Variants in C8orf34 observed in about 807,000 individuals in gnomAD.
C8orf34 encodes the protein chromosome 8 open reading frame 34.
A neutral mutation model predicts 68.3 loss-of-function variants in C8orf34; 65 were observed. That is an observed-to-expected ratio of 0.95 (90% CI 0.78 to 1.17). The LOEUF is 1.17. Among genes scored for constraint, C8orf34 ranks in the 50% most tolerant of loss-of-function variants. The pLI is 0.00. For missense variants in C8orf34, 664 were observed against 655.4 expected (o/e 1.01, Z -0.14); for synonymous variants, 244 against 241.2 (o/e 1.01, Z -0.11).
At chr8:68,404,280 T>C (rs901679039) in intron 1 of C8orf34, among the ~76,000 whole-genome samples, 3 of 152,206 alleles carry the variant, frequency 2.0e-5, no homozygotes, top group Non-Finnish European at 4.4e-5. Context: ...ATTAGCCCTT[T>C]GTCAGATGGA....
chr8:68,588,819 T>C (rs1370128736), intron 7 of C8orf34, among the ~76,000 whole-genome samples: 1 of 152,160 alleles, frequency 6.6e-6, no homozygotes, highest in Non-Finnish European at 1.5e-5. Flanking sequence ...TAGTCCTCTC[T>C]AACAATGGGC....
chr8:68,373,506 T>A (rs1186851107), intron 1 of C8orf34, among the ~76,000 whole-genome samples: 3 of 152,178 alleles, frequency 2.0e-5, no homozygotes, highest in Admixed American at 2.0e-4. Context: ...CCTGTGCAGA[T>A]GTATGTAGAG....
chr8:68,630,383 A>G (rs898482807), intron 7 of C8orf34, among the ~76,000 whole-genome samples: 2 of 152,116 alleles, frequency 1.3e-5, no homozygotes, highest in Non-Finnish European at 2.9e-5. Context: ...AATTCTGTGT[A>G]TATTTAACTC....
chr8:68,518,304 A>G (rs1197440446), intron 5 of C8orf34, among the ~76,000 whole-genome samples: 4 of 152,196 alleles, frequency 2.6e-5, no homozygotes, highest in Admixed American at 6.5e-5. Flanking sequence ...CTGAACTAGT[A>G]TATTTAATTA....
chr8:68,616,731 A>AGGTGT (rs1415088677), intron 7 of C8orf34, among the ~76,000 whole-genome samples: 9 of 152,174 alleles, frequency 5.9e-5, no homozygotes, highest in Middle Eastern at 3.4e-3. Context: ...ATTTTGGAAT[A>AGGTGT]GGTGTGGTGT....
intron 7 of C8orf34, among the ~76,000 whole-genome samples, chr8:68,557,229 G>A (rs576289046): frequency 6.6e-5 from 10 of 152,100 alleles, no homozygotes; most frequent in South Asian, 6.2e-4. Flanking sequence ...TTTATATTTG[G>A]CATTTTAGTT....
chr8:68,466,371 C>G (rs1812135233), intron 3 of C8orf34, among the ~76,000 whole-genome samples: 1 of 151,862 alleles, frequency 6.6e-6, no homozygotes, highest in Non-Finnish European at 1.5e-5. Flanking sequence ...TAGATGCACA[C>G]CCTAAGTGTT....
chr8:68,343,423 CATTT>C (rs932976453), intron 1 of C8orf34, among the ~76,000 whole-genome samples: 1 of 151,746 alleles, frequency 6.6e-6, no homozygotes, highest in Non-Finnish European at 1.5e-5. Flanking sequence ...TTTATTTTTA[CATTT>C]ATTTATTTAT....
intron 8 of C8orf34, among the ~76,000 whole-genome samples, chr8:68,651,254 A>G (rs2130778239): frequency 1.3e-5 from 2 of 152,310 alleles, no homozygotes; most frequent in East Asian, 3.9e-4. Flanking sequence ...GAGGCAGGGA[A>G]AGGTGATCTT....
At chr8:68,477,735 A>G (rs1812683741) in intron 4 of C8orf34, among the ~76,000 whole-genome samples, 1 of 152,188 alleles carries the variant, frequency 6.6e-6, no homozygotes, top group African/African-American at 2.4e-5. Context: ...GCATTTCCAT[A>G]CATCCTCTGA....
chr8:68,648,375 A>G (rs1819242505), intron 8 of C8orf34, among the ~76,000 whole-genome samples: 1 of 152,188 alleles, frequency 6.6e-6, no homozygotes, highest in African/African-American at 2.4e-5. Flanking sequence ...AATGTCTTGA[A>G]TTTTGTTTTA....
At chr8:68,758,666 G>A (rs1389899733) in intron 10 of C8orf34, among the ~76,000 whole-genome samples, 1 of 152,066 alleles carries the variant, frequency 6.6e-6, no homozygotes, top group Non-Finnish European at 1.5e-5. Context: ...TGCTTTCTGC[G>A]TGGGAACCTG....
intron 7 of C8orf34, among the ~76,000 whole-genome samples, chr8:68,603,981 A>G (rs1468762551): frequency 6.6e-6 from 1 of 152,208 alleles, no homozygotes; most frequent in African/African-American, 2.4e-5. Context: ...GTGAAAGAAG[A>G]TTAAGATATA....
rs868052685 is a variant in C8orf34 at position 68,757,624 on chromosome 8, A to T, written c.1405-18775A>T. ...CAATAGAGTGAGACTCCGTCTCAAA[A>T]AAATAAATAAATAAATAAATAAATA... On this transcript the variant is annotated intron_variant, in intron 10 of 13. Transcript: ENST00000518698. Among the ~76,000 whole-genome samples, 406 of 151,946 alleles carry T rather than the reference A, an allele frequency of 2.7e-3. 1 individual carries two copies. The highest frequency in any genetic ancestry group is 9.2e-3 in the African/African-American group (380 of 41,464).
chr8:68,605,267 G>A (rs983559156), intron 7 of C8orf34, among the ~76,000 whole-genome samples: 12 of 152,212 alleles, frequency 7.9e-5, no homozygotes, highest in South Asian at 2.1e-4. Flanking sequence ...GTAGGAATGC[G>A]AAATAGTACA....
intron 6 of C8orf34, among the ~76,000 whole-genome samples, chr8:68,524,980 C>A (rs4236962): frequency 0.5 from 76,296 of 151,810 alleles, 19,201 homozygotes; most frequent in Non-Finnish European, 0.52. Context: ...AATTGGCTTT[C>A]TTTCTTAAGT....
At chr8:68,579,903 A>C (rs780178186) in intron 7 of C8orf34, among the ~76,000 whole-genome samples, 4 of 152,128 alleles carry the variant, frequency 2.6e-5, no homozygotes, top group African/African-American at 7.2e-5. Context: ...TCAACTTAGC[A>C]CTCTGAGTAA....
At chr8:68,554,566 T>G (rs1375375166) in intron 7 of C8orf34, among the ~76,000 whole-genome samples, 1 of 152,148 alleles carries the variant, frequency 6.6e-6, no homozygotes, top group Non-Finnish European at 1.5e-5. Context: ...TACAATAGTT[T>G]AAAAGAATAA....
At chr8:68,566,469 C>T (rs947487852) in intron 7 of C8orf34, among the ~76,000 whole-genome samples, 1 of 152,230 alleles carries the variant, frequency 6.6e-6, no homozygotes, top group Non-Finnish European at 1.5e-5. Flanking sequence ...GCTAGATCTT[C>T]TGGATAACTT....
Sources: allele counts gnomAD v4.1 joint callset (sites outside exome capture counted in the v4.1 genomes callset), GRCh38; gene constraint gnomAD v4.1.1; transcripts MANE v1.5; gene names NCBI Gene and HGNC (gene_info 2026-07-23, HGNC 2026-07-21).